DHX15: variants seen among roughly 807,000 people sequenced by gnomAD.
The protein encoded by DHX15 is ATP-dependent RNA helicase DHX15.
A neutral mutation model predicts 94.4 loss-of-function variants in DHX15; 11 were observed. The ratio of observed to expected loss-of-function variants is 0.12; its 90% CI spans 0.07 to 0.19. DHX15 has a LOEUF of 0.19. Ranked by LOEUF, DHX15 falls within the 10% of genes least tolerant of loss-of-function variation. The pLI, the probability that DHX15 is intolerant of heterozygous loss-of-function variation, is 1.00. For missense variants in DHX15, 304 were observed against 988.5 expected, an observed-to-expected ratio of 0.31 and a Z score of 9.29; for synonymous variants, 338 against 329.9, an observed-to-expected ratio of 1.02 and a Z score of -0.27.
At chr4:24,556,903 A>G (rs996301281) in intron 3 of DHX15, among the ~76,000 whole-genome samples, 42 of 152,310 alleles carry the variant, frequency 2.8e-4, no homozygotes, top group Middle Eastern at 3.4e-3. Flanking sequence ...TTGGTTCAAA[A>G]GGGCTGAAAG....
chr4:24,576,974 T>C (rs970775526), intron 1 of DHX15, among the ~76,000 whole-genome samples: 3 of 152,084 alleles, frequency 2.0e-5, no homozygotes, highest in African/African-American at 7.2e-5. Context: ...ACAACAGAAA[T>C]CAGATACTGA....
chr4:24,581,503 C>G (rs567349445), intron 1 of DHX15, among the ~76,000 whole-genome samples: 1 of 152,244 alleles, frequency 6.6e-6, no homozygotes, highest in South Asian at 2.1e-4. Flanking sequence ...AAACTGTTAT[C>G]CAAAGATGGA....
intron 2 of DHX15, among the ~76,000 whole-genome samples, chr4:24,575,927 G>GA (rs1300263658): frequency 2.0e-5 from 3 of 152,158 alleles, no homozygotes. Flanking sequence ...CTACCCCAGT[G>GA]ATTTCTCCAC....
chr4:24,547,892 T>C (rs1328758631), intron 6 of DHX15, among the ~76,000 whole-genome samples: 1 of 15,768 alleles, frequency 6.3e-5, no homozygotes, highest in African/African-American at 1.3e-4. Flanking sequence ...TCTCTCTCTA[T>C]GTATGTATGT....
At chr4:24,577,566 T>G (rs967178621) in intron 1 of DHX15, among the ~76,000 whole-genome samples, 2 of 152,202 alleles carry the variant, frequency 1.3e-5, no homozygotes, top group Non-Finnish European at 2.9e-5. Context: ...TGCTAAACAC[T>G]ATTAAGTTGT....
chr4:24,552,843 T>A (rs1721637311), intron 5 of DHX15, among the ~76,000 whole-genome samples: 1 of 152,172 alleles, frequency 6.6e-6, no homozygotes, highest in Admixed American at 6.5e-5. Flanking sequence ...CTAGCATACA[T>A]CTGAAAACCC....
chr4:24,563,963 A>C (rs1223347442), intron 3 of DHX15, among the ~76,000 whole-genome samples: 3 of 149,706 alleles, frequency 2.0e-5, no homozygotes, highest in Non-Finnish European at 3.0e-5. Flanking sequence ...GCTACTTGGG[A>C]GGCTGAGGCA....
intron 5 of DHX15, 61 bp downstream of exon 5, chr4:24,554,664 G>C (rs374062413): frequency 8.1e-7 from 1 of 1,227,558 alleles, no homozygotes; most frequent in Non-Finnish European, 1.2e-6. Context: ...TATGATTAAG[G>C]TTGCTGCATA....
At chr4:24,573,786 C>G (rs1722176887) in intron 2 of DHX15, among the ~76,000 whole-genome samples, 1 of 152,194 alleles carries the variant, frequency 6.6e-6, no homozygotes, top group African/African-American at 2.4e-5. Flanking sequence ...CTTAGCTCAA[C>G]ATGCGTCCTT....
At chr4:24,549,420 T>C (rs1721537355) in intron 5 of DHX15, among the ~76,000 whole-genome samples, 1 of 152,232 alleles carries the variant, frequency 6.6e-6, no homozygotes, top group African/African-American at 2.4e-5. Context: ...CCAATTAGGC[T>C]TTAATGTCAC....
chr4:24,578,109 G>A (rs1016296444), intron 1 of DHX15, among the ~76,000 whole-genome samples: 3 of 152,144 alleles, frequency 2.0e-5, no homozygotes, highest in African/African-American at 7.2e-5. Context: ...AAAAATCACA[G>A]AGCATACAAG....
At position 24,576,390 on chromosome 4, in the gene DHX15, G is replaced by A. The variant is rs2109011662; in HGVS notation, c.360C>T (p.Asn120=). The A allele has an allele frequency of 1.9e-6, 3 of 1,614,194 alleles. No homozygotes were observed. Among genetic ancestry groups the A allele is most frequent in the South Asian group, 2.2e-5 (2 of 91,082 alleles). Residue 120 remains asparagine, a synonymous_variant, in exon 2 of 14, where the codon AAC becomes AAT. Coordinates refer to ENST00000336812, the MANE Select transcript of DHX15 (RefSeq NM_001358.3). The part of the protein sequence containing the change: ...SLPQCINPFT[N]LPHTPRYYDI... Reference sequence around the variant, plus strand: ...CATAGTATCGAGGAGTATGGGGTAAGTTGGTGAACGGATTAATGCACTGTG... The same window carrying A: ...CATAGTATCGAGGAGTATGGGGTAAATTGGTGAACGGATTAATGCACTGTG...
chr4:24,544,318 T>C (rs1560764126), intron 6 of DHX15, among the ~76,000 whole-genome samples: 2 of 152,198 alleles, frequency 1.3e-5, no homozygotes, highest in Non-Finnish European at 2.9e-5. Context: ...TACTAAGTAG[T>C]AGACTTCCCA....
intron 1 of DHX15, among the ~76,000 whole-genome samples, chr4:24,579,511 A>G (rs1392780010): frequency 6.6e-6 from 1 of 152,238 alleles, no homozygotes; most frequent in Non-Finnish European, 1.5e-5. Flanking sequence ...TGCTTCAGAC[A>G]CAGCCACACC....
chr4:24,556,481 T>C, intron 3 of DHX15, 71 bp from the exon 4 acceptor site: 1 of 1,283,158 alleles, frequency 7.8e-7, no homozygotes, highest in Non-Finnish European at 1.1e-6. Flanking sequence ...GTGACAAAAA[T>C]GAAATGCAAA....
intron 6 of DHX15, among the ~76,000 whole-genome samples, chr4:24,544,594 T>C (rs1052579209): frequency 2.0e-5 from 3 of 152,166 alleles, no homozygotes; most frequent in East Asian, 1.9e-4. Flanking sequence ...TGAATAAGCA[T>C]AACCGGCATT....
Position 24,537,679 on chromosome 4 carries a change from G to A in DHX15, c.1787-506C>T, listed in dbSNP as rs1030531319. 2.6e-5 allele frequency: 4 copies of A among 152,732 alleles called. No individual in the cohort carries two copies. The highest frequency in any genetic ancestry group is 9.7e-5 in the African/African-American group (4 of 41,420). 9.5% of individuals were successfully genotyped at this position (152,732 alleles called of 1,614,324 possible). On this transcript the variant is annotated intron_variant, in intron 10 of 13. Transcript: ENST00000336812. The surrounding 1 kb of genome is among the most constrained non-coding windows in gnomAD (Gnocchi z 4.7). Reference sequence around the variant, plus strand: ...CTATCAGAATTTTTTCCCTAATACTGTGGCTATTACCAACTGGTGGGTATC... The same window carrying A: ...CTATCAGAATTTTTTCCCTAATACTATGGCTATTACCAACTGGTGGGTATC...
At chr4:24,560,641 C>T (rs1374351374) in intron 3 of DHX15, among the ~76,000 whole-genome samples, 2 of 152,058 alleles carry the variant, frequency 1.3e-5, no homozygotes, top group Non-Finnish European at 2.9e-5. Context: ...GAAATATGGG[C>T]AAAGCATATG....
intron 6 of DHX15, among the ~76,000 whole-genome samples, chr4:24,548,140 C>CTTTTT (rs71196189): frequency 6.5e-5 from 7 of 108,174 alleles, no homozygotes; most frequent in African/African-American, 1.4e-4. Flanking sequence ...ATCAGTGCTA[C>CTTTTT]TTTTTTTTTT....
Sources: gnomAD v4.1 joint callset for allele counts (sites outside exome capture counted in the v4.1 genomes callset) on GRCh38, gnomAD v4.1.1 for gene constraint, Gnocchi (gnomAD v3.1) non-coding constraint, MANE v1.5 for transcripts, NCBI Gene and HGNC (gene_info 2026-07-23, HGNC 2026-07-21) for gene names.